The following NXPH1 variants were observed in gnomAD, a reference collection of about 807,000 sequenced individuals.
NXPH1 encodes the protein neurexophilin-1.
A neutral mutation model predicts 23.7 loss-of-function variants in NXPH1; 5 were observed. The observed-to-expected ratio is 0.21, with a 90% CI of 0.11 to 0.44. The LOEUF (loss-of-function observed/expected upper bound fraction) is 0.44. NXPH1 is among the 20% of genes least tolerant of loss of function. The pLI, the probability that NXPH1 is intolerant of heterozygous loss-of-function variation, is 0.99. For synonymous variants in NXPH1, 144 were observed against 122.2 expected (o/e 1.18, Z -1.18); for missense variants, 324 against 321.6 (o/e 1.01, Z -0.06).
At chr7:8,730,502 C>T (rs1780132824) in intron 2 of NXPH1, among the ~76,000 whole-genome samples, 2 of 151,870 alleles carry the variant, frequency 1.3e-5, no homozygotes, top group African/African-American at 2.4e-5. Context: ...CCATGTTTAG[C>T]ACTTCCTTCA....
rs1317840167 is a variant in NXPH1 at position 8,616,483 on chromosome 7, A to C, written c.55-134525A>C. On this transcript the variant is annotated intron_variant, in intron 2 of 2. Coordinates refer to ENST00000405863, the MANE Select transcript of NXPH1 (RefSeq NM_152745.3). ...CTCAACTTGTTAAAAACATCATGGG[A>C]TCAGGAGGTTATGTTTACTGCTGAA... Among the ~76,000 whole-genome samples the C allele has an allele frequency of 3.9e-4, 60 of 152,062 alleles. 1 individual carries two copies. Among genetic ancestry groups the C allele is most frequent in the Admixed American group, 3.8e-3 (58 of 15,226 alleles).
At chr7:8,708,767 G>GA (rs2115194649) in intron 2 of NXPH1, among the ~76,000 whole-genome samples, 1 of 152,226 alleles carries the variant, frequency 6.6e-6, no homozygotes, top group South Asian at 2.1e-4. Flanking sequence ...ATGCTATAAG[G>GA]AAATTATGAA....
At chr7:8,518,092 T>C (rs1418882206) in intron 2 of NXPH1, among the ~76,000 whole-genome samples, 1 of 152,202 alleles carries the variant, frequency 6.6e-6, no homozygotes, top group Non-Finnish European at 1.5e-5. Flanking sequence ...ATCTAAATTA[T>C]GACAGTACTT....
intron 2 of NXPH1, among the ~76,000 whole-genome samples, chr7:8,475,322 A>T (rs116708977): frequency 1.6e-3 from 245 of 152,168 alleles, no homozygotes; most frequent in African/African-American, 5.6e-3. Context: ...TTTACCTTTA[A>T]TAGGAACCTT....
At chr7:8,739,171 TAAAAAAAAAAAAAAAAAAA>T (rs34593997) in intron 2 of NXPH1, among the ~76,000 whole-genome samples, 9 of 54,046 alleles carry the variant, frequency 1.7e-4, no homozygotes, top group Admixed American at 1.2e-3. Flanking sequence ...ACCAGTGGGG[TAAAAAAAAAAAAAAAAAAA>T]AAAAAAAAAA....
rs1302361334 is a variant in NXPH1, at chr7:8,585,714, C to T, written c.54+149947C>T. Reference sequence around the variant, plus strand: ...TATTAAAATAAAAAAGATGAATGTGCATCACATATGTTGAAACATTTGCAA... The same window carrying T: ...TATTAAAATAAAAAAGATGAATGTGTATCACATATGTTGAAACATTTGCAA... On this transcript the variant is annotated intron_variant, in intron 2 of 2. Coordinates refer to ENST00000405863, the MANE Select transcript of NXPH1 (RefSeq NM_152745.3). 2.6e-5 allele frequency among the ~76,000 whole-genome samples: 4 copies of T among 152,310 alleles called. No homozygotes were observed. The South Asian group carries it at 6.2e-4, about 24-fold the overall frequency.
intron 2 of NXPH1, among the ~76,000 whole-genome samples, chr7:8,634,212 G>T (rs1820179323): frequency 6.6e-6 from 1 of 152,100 alleles, no homozygotes; most frequent in Non-Finnish European, 1.5e-5. Flanking sequence ...GAATCATGGG[G>T]GCGGGTTTTC....
chr7:8,613,904 G>A lies in NXPH1; in HGVS notation c.55-137104G>A, dbSNP rs143872912. 3.5e-3 allele frequency among the ~76,000 whole-genome samples: 533 copies of A among 151,712 alleles called. 4 individuals carry two copies. Among genetic ancestry groups the A allele is most frequent in the African/African-American group, 0.012 (489 of 41,444 alleles). On this transcript the variant is annotated intron_variant, in intron 2 of 2. Coordinates refer to ENST00000405863, the MANE Select transcript of NXPH1 (RefSeq NM_152745.3). ...TAAATCACATATAGACTGAACACACGTGTATATATAATTCATAAAATTATA... is the reference window on the plus strand; with the variant it reads ...TAAATCACATATAGACTGAACACACATGTATATATAATTCATAAAATTATA...
rs115675524 is a variant in NXPH1, at chr7:8,650,199, T to G, written c.55-100809T>G. On this transcript the variant is annotated intron_variant, in intron 2 of 2. Coordinates refer to ENST00000405863, the MANE Select transcript of NXPH1 (RefSeq NM_152745.3). ...TGTTCTTAAGGTTTTATCAGCATGA[T>G]TTGAGATTAAAATGAATTAGAAACT... 5.6e-3 allele frequency among the ~76,000 whole-genome samples: 849 copies of G among 152,322 alleles called. 6 individuals carry two copies. The highest frequency in any genetic ancestry group is 0.019 in the African/African-American group (791 of 41,580).
intron 2 of NXPH1, among the ~76,000 whole-genome samples, chr7:8,455,394 C>A (rs1054582445): frequency 2.6e-5 from 4 of 152,120 alleles, no homozygotes; most frequent in Non-Finnish European, 5.9e-5. Flanking sequence ...GGTGCATAAT[C>A]TCTGGCCCTA....
chr7:8,681,491 C>T (rs935265086), intron 2 of NXPH1, among the ~76,000 whole-genome samples: 5 of 151,956 alleles, frequency 3.3e-5, no homozygotes, highest in African/African-American at 1.2e-4. Context: ...GGGGAAAGTC[C>T]ATGAGTTGGA....
chr7:8,671,706 A>G (rs1333914344), intron 2 of NXPH1, among the ~76,000 whole-genome samples: 1 of 152,194 alleles, frequency 6.6e-6, no homozygotes, highest in Non-Finnish European at 1.5e-5. Context: ...TGGGTCTGGC[A>G]CTGGTTCTAT....
intron 2 of NXPH1, among the ~76,000 whole-genome samples, chr7:8,639,400 A>C (rs1230380672): frequency 6.6e-6 from 1 of 152,190 alleles, no homozygotes; most frequent in Non-Finnish European, 1.5e-5. Flanking sequence ...TTTACTTTAG[A>C]TAGATACAGC....
At chr7:8,746,864 CT>C (rs35644956) in intron 2 of NXPH1, among the ~76,000 whole-genome samples, 6,314 of 147,374 alleles carry the variant, frequency 0.043, 274 homozygotes, top group African/African-American at 0.11. Context: ...CCACAGCATG[CT>C]TTTTTTTTTA....
At chr7:8,485,653 G>A (rs1029993693) in intron 2 of NXPH1, among the ~76,000 whole-genome samples, 11 of 152,090 alleles carry the variant, frequency 7.2e-5, no homozygotes, top group Admixed American at 3.9e-4. Context: ...AAGTGGAGGC[G>A]GGGAGGGGGC....
At chr7:8,577,698 G>C (rs939176092) in intron 2 of NXPH1, among the ~76,000 whole-genome samples, 2 of 152,200 alleles carry the variant, frequency 1.3e-5, no homozygotes, top group African/African-American at 4.8e-5. Context: ...CTGTGCCCTT[G>C]TGTAGTCTCC....
At position 8,752,857 on chromosome 7, in the gene NXPH1, G is replaced by GTATATGT. The variant is rs1780588892; in HGVS notation, c.*1088_*1089insTATATGT. 6.6e-6 allele frequency: 1 copy of GTATATGT among 152,406 alleles called. No homozygotes were observed. Among genetic ancestry groups the GTATATGT allele is most frequent in the Non-Finnish European group, 1.5e-5 (1 of 67,990 alleles). 9.4% of individuals were successfully genotyped at this position (152,406 alleles called of 1,614,324 possible). A position where few individuals can be genotyped will look rare whatever the true frequency, so the allele number is the denominator to read the frequency against. On this transcript the variant is annotated 3_prime_UTR_variant, in exon 3 of 3. Transcript: ENST00000405863. ...GCATTTATTCAGATCAAGTATTGTT[G>GTATATGT]AAAGCTATACATATACAACATTACA... is the stretch of plus-strand genomic sequence containing the variant.
intron 2 of NXPH1, among the ~76,000 whole-genome samples, chr7:8,578,601 A>G (rs986564265): frequency 6.6e-6 from 1 of 152,214 alleles, no homozygotes; most frequent in Non-Finnish European, 1.5e-5. Context: ...GGAGTTAACA[A>G]ATCTGTATTG....
At chr7:8,617,457 T>C (rs1819769208) in intron 2 of NXPH1, among the ~76,000 whole-genome samples, 1 of 152,070 alleles carries the variant, frequency 6.6e-6, no homozygotes, top group Non-Finnish European at 1.5e-5. Context: ...ATATATACAA[T>C]GGAGTACTAT....
Sources: gnomAD v4.1 joint callset for allele counts (sites outside exome capture counted in the v4.1 genomes callset) on GRCh38, gnomAD v4.1.1 for gene constraint, MANE v1.5 for transcripts, NCBI Gene and HGNC (gene_info 2026-07-23, HGNC 2026-07-21) for gene names.